The following CEP85L variants were observed in gnomAD, a reference collection of about 807,000 sequenced individuals.
CEP85L encodes centrosomal protein 85L.
CEP85L carries 60 observed loss-of-function variants against 100.3 expected under a neutral mutation model. The observed-to-expected ratio is 0.60, with a 90% CI of 0.49 to 0.74. The LOEUF (loss-of-function observed/expected upper bound fraction) is 0.74. Ranked by LOEUF, CEP85L falls within the 30% of genes least tolerant of loss-of-function variation. The pLI is 0.00. For synonymous variants in CEP85L, 319 were observed against 322.7 expected (o/e 0.99, Z 0.12); for missense variants, 973 against 936.2 (o/e 1.04, Z -0.51).
intron 1 of CEP85L, among the ~76,000 whole-genome samples, chr6:118,640,945 A>C (rs924191128): frequency 2.0e-5 from 3 of 152,228 alleles, no homozygotes; most frequent in African/African-American, 7.2e-5. Flanking sequence ...ACTATTAAAA[A>C]TGGAGTGGAG....
intron 6 of CEP85L, among the ~76,000 whole-genome samples, chr6:118,490,942 G>T (rs1357383522): frequency 6.6e-6 from 1 of 151,858 alleles, no homozygotes; most frequent in Non-Finnish European, 1.5e-5. Context: ...TGGGCATTCA[G>T]GCTGGTTCCA....
At chr6:118,482,894 G>C (rs1270546301) in intron 7 of CEP85L, among the ~76,000 whole-genome samples, 1 of 152,144 alleles carries the variant, frequency 6.6e-6, no homozygotes, top group East Asian at 1.9e-4. Flanking sequence ...ACACTTCATA[G>C]ATTAGATTCT....
intron 3 of CEP85L, among the ~76,000 whole-genome samples, chr6:118,550,520 C>T (rs879043533): frequency 1.4e-4 from 22 of 151,772 alleles, no homozygotes; most frequent in Admixed American, 2.0e-4. Flanking sequence ...CTCGTGTACA[C>T]AAATATTTCA....
chr6:118,566,411 TTTC>T (rs1779509633), intron 2 of CEP85L, 95 bp from the exon 3 acceptor site: 2 of 1,082,530 alleles, frequency 1.8e-6, no homozygotes, highest in Non-Finnish European at 2.6e-6. Context: ...CTGAACATGG[TTTC>T]ATAGCACAAG....
chr6:118,519,564 GTGTGTGTGTGT>G (rs1776526215), intron 4 of CEP85L, among the ~76,000 whole-genome samples: 4 of 14,658 alleles, frequency 2.7e-4, no homozygotes, highest in Non-Finnish European at 9.1e-4. Flanking sequence ...GTGTGTGTGT[GTGTGTGTGTGT>G]GTGTGTGGCG....
chr6:118,600,298 GGGGTGT>G (rs1562297681), intron 2 of CEP85L, among the ~76,000 whole-genome samples: 1,138 of 59,178 alleles, frequency 0.019, 243 homozygotes, highest in Admixed American at 0.063. Context: ...AGCCTTCCTG[GGGGTGT>G]GTGTGTGTGT....
intron 1 of CEP85L, among the ~76,000 whole-genome samples, chr6:118,674,752 A>G (rs570335497): frequency 1.3e-5 from 2 of 152,370 alleles, no homozygotes; most frequent in South Asian, 4.1e-4. Context: ...AATCATAACC[A>G]TAATGAGACA....
rs1470175603 is a variant in CEP85L at position 118,475,347 on chromosome 6, A to ATATCT, written c.1914+4523_1914+4524insAGATA. On this transcript the variant is annotated intron_variant, in intron 10 of 12. Transcript: ENST00000368491. Reference sequence around the variant, plus strand: ...AAAAGGTGGGTGAATTGTAGGTGACATTTTTTTTTTTTTTTTTTTTTTTTT... The same window carrying ATATCT: ...AAAAGGTGGGTGAATTGTAGGTGACATATCTTTTTTTTTTTTTTTTTTTTTTTTTT... Among the ~76,000 whole-genome samples the ATATCT allele has an allele frequency of 1.8e-4, 14 of 79,020 alleles. 2 individuals are homozygous for ATATCT. Among genetic ancestry groups the ATATCT allele is most frequent in the South Asian group, 4.0e-4 (1 of 2,496 alleles). The allele number at this position is 79,020 out of a possible 152,430, so 51.8% of individuals were successfully genotyped here. A position where few individuals can be genotyped will look rare whatever the true frequency, so the allele number is the denominator to read the frequency against.
At chr6:118,478,824 C>T (rs1329588647) in intron 10 of CEP85L, among the ~76,000 whole-genome samples, 1 of 152,032 alleles carries the variant, frequency 6.6e-6, no homozygotes, top group African/African-American at 2.4e-5. Context: ...CAGTAAGATG[C>T]CTCCACAAAT....
intron 2 of CEP85L, among the ~76,000 whole-genome samples, chr6:118,578,069 G>A (rs1050290729): frequency 3.3e-5 from 5 of 152,192 alleles, no homozygotes; most frequent in Non-Finnish European, 4.4e-5. Flanking sequence ...ATAAAATCAA[G>A]AGAGGGAAAC....
chr6:118,688,224 C>G (rs751189740), intron 1 of CEP85L, among the ~76,000 whole-genome samples: 3 of 152,204 alleles, frequency 2.0e-5, no homozygotes, highest in Non-Finnish European at 2.9e-5. Flanking sequence ...TGGTCTTGAA[C>G]TCCTGACCTC....
chr6:118,619,521 C>A (rs529407338), intron 2 of CEP85L, among the ~76,000 whole-genome samples: 18 of 152,274 alleles, frequency 1.2e-4, no homozygotes, highest in African/African-American at 3.9e-4. Context: ...TAGCCCCACT[C>A]TCTTCCCTCA....
chr6:118,551,811 A>C (rs1190729878), intron 3 of CEP85L, among the ~76,000 whole-genome samples: 3 of 152,042 alleles, frequency 2.0e-5, no homozygotes, highest in African/African-American at 7.2e-5. Flanking sequence ...TTGCTACCAC[A>C]AAGTAACTTC....
chr6:118,497,262 A>T (rs1330876782), intron 5 of CEP85L, among the ~76,000 whole-genome samples: 2 of 152,152 alleles, frequency 1.3e-5, no homozygotes, highest in Non-Finnish European at 2.9e-5. Flanking sequence ...TTGCCACAAA[A>T]GCACTGAAAA....
intron 1 of CEP85L, among the ~76,000 whole-genome samples, chr6:118,691,701 T>C (rs1336718676): frequency 6.7e-6 from 1 of 150,200 alleles, no homozygotes; most frequent in Non-Finnish European, 1.5e-5. Context: ...ATCGCACCAC[T>C]GCACTCCAGC....
intron 2 of CEP85L, among the ~76,000 whole-genome samples, chr6:118,600,787 AGGGTT>A (rs1156307251): frequency 7.3e-6 from 1 of 137,002 alleles, no homozygotes; most frequent in African/African-American, 2.8e-5. Flanking sequence ...CTGCCTTCAG[AGGGTT>A]GTCTTTTTTA....
intron 1 of CEP85L, among the ~76,000 whole-genome samples, chr6:118,701,421 C>T (rs563212684): frequency 6.6e-6 from 1 of 152,258 alleles, no homozygotes; most frequent in East Asian, 1.9e-4. Context: ...GGTACATATA[C>T]ACCACGGAGT....
chr6:118,623,044 AT>A (rs1773555523), intron 2 of CEP85L, among the ~76,000 whole-genome samples: 1 of 152,242 alleles, frequency 6.6e-6, no homozygotes, highest in Non-Finnish European at 1.5e-5. Context: ...AAAGGTGCTC[AT>A]ACCTGAAGCC....
chr6:118,465,446 G>A lies in CEP85L; in HGVS notation c.2377C>T (p.Arg793Cys), dbSNP rs776355423. 15 of 1,613,262 alleles carry A rather than the reference G, an allele frequency of 9.3e-6. No homozygotes were observed. The highest frequency in any genetic ancestry group is 8.9e-5 in the East Asian group (4 of 44,872). ...IDELRTTISD[R>C]YAQDMGDNCI... ...TTGTCTCCCATGTCCTGAGCATAGC[G>A]GTCTGATATTGTAGTCCTTAATTCA... Residue 793 changes from arginine to cysteine, a missense_variant, in exon 13 of 13, where the codon CGC becomes TGC. Physicochemically the swap from Arg to Cys is radical, Grantham distance 180. Transcript: ENST00000368491.
Sources: gnomAD v4.1 joint callset for allele counts (sites outside exome capture counted in the v4.1 genomes callset) on GRCh38, gnomAD v4.1.1 for gene constraint, MANE v1.5 for transcripts, NCBI Gene and HGNC (gene_info 2026-07-23, HGNC 2026-07-21) for gene names.